Variants in BBS9 observed in about 807,000 individuals in gnomAD.
BBS9 encodes the protein Bardet-Biedl syndrome 9, also known as protein PTHB1.
In BBS9, 89 loss-of-function variants were observed where a neutral mutation model predicts 117.7. The ratio of observed to expected loss-of-function variants is 0.76; its 90% CI spans 0.64 to 0.90. The LOEUF (loss-of-function observed/expected upper bound fraction) is 0.90. Ranked by LOEUF, BBS9 falls within the 40% of genes least tolerant of loss-of-function variation. The pLI is 0.00. For synonymous variants in BBS9, 379 were observed against 370.9 expected (o/e 1.02, Z -0.25); for missense variants, 982 against 1,042.2 (o/e 0.94, Z 0.80).
At chr7:33,144,408 A>G in intron 1 of BBS9, among the ~76,000 whole-genome samples, 1 of 152,152 alleles carries the variant, frequency 6.6e-6, no homozygotes, top group East Asian at 1.9e-4. Context: ...TTTATTTGTA[A>G]CCCCCAAATC....
chr7:33,401,576 G>A (rs977031177), intron 19 of BBS9, among the ~76,000 whole-genome samples: 2 of 152,082 alleles, frequency 1.3e-5, no homozygotes, highest in South Asian at 2.1e-4. Context: ...AGGGCTTCCA[G>A]GTCATAGGTG....
intron 16 of BBS9, among the ~76,000 whole-genome samples, chr7:33,363,792 A>G (rs1200962602): frequency 1.3e-5 from 2 of 151,800 alleles, no homozygotes; most frequent in African/African-American, 2.4e-5. Context: ...CTTCTACATC[A>G]GCTGAGACAT....
intron 4 of BBS9, among the ~76,000 whole-genome samples, chr7:33,165,100 C>T (rs1050410950): frequency 6.6e-6 from 1 of 152,090 alleles, no homozygotes; most frequent in Non-Finnish European, 1.5e-5. Context: ...CTTAGTTTGG[C>T]TGGATATGAG....
chr7:33,242,058 T>C (rs921223495), intron 5 of BBS9, among the ~76,000 whole-genome samples: 3 of 152,130 alleles, frequency 2.0e-5, no homozygotes, highest in Admixed American at 6.6e-5. Context: ...AGTAATCTTT[T>C]GTCAGATGTT....
At chr7:33,272,914 G>A (rs1440687954) in intron 7 of BBS9, 98 bp from the exon 8 acceptor site, 4 of 1,192,444 alleles carry the variant, frequency 3.4e-6, no homozygotes, top group Non-Finnish European at 5.0e-6. Context: ...TTATATTTCT[G>A]CTTTGTTGTA....
At chr7:33,172,005 C>A (rs1054630964) in intron 4 of BBS9, among the ~76,000 whole-genome samples, 4 of 123,268 alleles carry the variant, frequency 3.2e-5, no homozygotes, top group African/African-American at 1.2e-4. Flanking sequence ...CCCCAAATAG[C>A]CAGTAGGCAA....
At chr7:33,621,758 G>C (rs1865417259) in intron 21 of BBS9, among the ~76,000 whole-genome samples, 1 of 152,092 alleles carries the variant, frequency 6.6e-6, no homozygotes, top group Non-Finnish European at 1.5e-5. Flanking sequence ...CCATAGCCAA[G>C]GTATGGAATT....
At chr7:33,138,095 G>T (rs955893686) in intron 1 of BBS9, among the ~76,000 whole-genome samples, 1 of 152,096 alleles carries the variant, frequency 6.6e-6, no homozygotes, top group African/African-American at 2.4e-5. Context: ...TCAGTTTTTT[G>T]ATATTAAATT....
At chr7:33,491,146 T>C (rs1209419023) in intron 19 of BBS9, among the ~76,000 whole-genome samples, 1 of 152,196 alleles carries the variant, frequency 6.6e-6, no homozygotes, top group Non-Finnish European at 1.5e-5. Context: ...CCAGGGAGTA[T>C]TCTTAGAATA....
At chr7:33,189,854 C>T (rs1783790455) in intron 5 of BBS9, among the ~76,000 whole-genome samples, 1 of 149,720 alleles carries the variant, frequency 6.7e-6, no homozygotes, top group Non-Finnish European at 1.5e-5. Context: ...CCACTGCACT[C>T]CACTGCACTC....
At chr7:33,515,463 T>C (rs1847618161) in intron 20 of BBS9, among the ~76,000 whole-genome samples, 1 of 152,200 alleles carries the variant, frequency 6.6e-6, no homozygotes, top group Admixed American at 6.5e-5. Context: ...ATGATTTCTT[T>C]TTTCTGAGCC....
chr7:33,220,731 G>A (rs146286525), intron 5 of BBS9, among the ~76,000 whole-genome samples: 319 of 152,092 alleles, frequency 2.1e-3, no homozygotes, highest in African/African-American at 4.9e-3. Flanking sequence ...ACTTATTTAC[G>A]TTTATTCTTA....
intron 6 of BBS9, among the ~76,000 whole-genome samples, chr7:33,261,885 T>C (rs971841474): frequency 1.3e-5 from 2 of 152,228 alleles, no homozygotes; most frequent in South Asian, 2.1e-4. Flanking sequence ...ACATTGGCCC[T>C]GATTATTCTT....
rs193223270 is a variant in BBS9, at chr7:33,269,544, A to T, written c.703-3468A>T. Among the ~76,000 whole-genome samples the T allele has an allele frequency of 3.6e-3, 544 of 152,256 alleles. 2 individuals carry two copies. The highest frequency in any genetic ancestry group is 6.4e-3 in the Non-Finnish European group (432 of 68,010). On this transcript the variant is annotated intron_variant, in intron 7 of 22. Transcript: ENST00000242067. ...AGCTGGGGAGGGAATATAAAGCTTG[A>T]GATCTCCCCAGAGAGGCAGAGTGCA...
chr7:33,597,362 C>G (rs1157955283), intron 21 of BBS9, among the ~76,000 whole-genome samples: 1 of 152,208 alleles, frequency 6.6e-6, no homozygotes, highest in Non-Finnish European at 1.5e-5. Flanking sequence ...TCAGGTCATG[C>G]AAACAGAAGA....
intron 4 of BBS9, among the ~76,000 whole-genome samples, chr7:33,160,380 C>A (rs1054348513): frequency 3.3e-5 from 5 of 152,134 alleles, no homozygotes; most frequent in African/African-American, 1.2e-4. Flanking sequence ...AAATTTCTCA[C>A]CTGCATTGGG....
intron 19 of BBS9, among the ~76,000 whole-genome samples, chr7:33,432,867 G>C (rs1031272475): frequency 6.6e-6 from 1 of 151,494 alleles, no homozygotes; most frequent in African/African-American, 2.4e-5. Flanking sequence ...CATGATTTTA[G>C]AGTTAAGAAT....
chr7:33,424,761 AT>A lies in BBS9; in HGVS notation c.2115+36625del, dbSNP rs960674686. On this transcript the variant is annotated intron_variant, in intron 19 of 22. Coordinates refer to ENST00000242067, the MANE Select transcript of BBS9 (RefSeq NM_198428.3). The stretch of plus-strand genomic sequence containing the variant: ...ATACTGATGGCCGTATAATTATAAG[AT>A]TTTTTTTAATGGAAATGGAAATGTA... 2.7e-3 allele frequency among the ~76,000 whole-genome samples: 404 copies of A among 150,206 alleles called. 1 individual carries two copies. Among genetic ancestry groups the A allele is most frequent in the African/African-American group, 9.2e-3 (364 of 39,746 alleles).
At chr7:33,204,581 G>A (rs1786552342) in intron 5 of BBS9, among the ~76,000 whole-genome samples, 2 of 151,938 alleles carry the variant, frequency 1.3e-5, no homozygotes, top group African/African-American at 4.8e-5. Context: ...AAGAGAGAGG[G>A]CCATGGAGAA....
Sources: allele counts gnomAD v4.1 joint callset (sites outside exome capture counted in the v4.1 genomes callset), GRCh38; gene constraint gnomAD v4.1.1; transcripts MANE v1.5; gene names NCBI Gene and HGNC (gene_info 2026-07-23, HGNC 2026-07-21).